Variants in CNNM3 observed in about 807,000 individuals in gnomAD.
The protein encoded by CNNM3 is metal transporter CNNM3.
CNNM3 carries 47 observed loss-of-function variants against 57.1 expected under a neutral mutation model. That is an observed-to-expected ratio of 0.82 (90% CI 0.65 to 1.05). CNNM3 has a LOEUF of 1.05. Among genes scored for constraint, CNNM3 ranks in the 50% least tolerant of loss-of-function variants. CNNM3 has a pLI of 0.00. For missense variants in CNNM3, 957 were observed against 973.7 expected (o/e 0.98, Z 0.23); for synonymous variants, 507 against 478.2 (o/e 1.06, Z -0.79).
At chr2:96,822,977 G>A (rs11886360) in intron 1 of CNNM3, among the ~76,000 whole-genome samples, 12,993 of 152,148 alleles carry the variant, frequency 0.085, 1,846 homozygotes, top group African/African-American at 0.3. Context: ...CTGGCCTGTG[G>A]GCAGGCATCA....
intron 7 of CNNM3, 122 bp from the exon 8 acceptor site, chr2:96,832,430 C>T: frequency 6.4e-7 from 1 of 1,552,128 alleles, no homozygotes. Context: ...TGATACTTCC[C>T]AAGGCATCCC....
chr2:96,833,231 C>T lies in CNNM3; in HGVS notation c.*615C>T. On this transcript the variant is annotated 3_prime_UTR_variant, in exon 8 of 8. Transcript: ENST00000305510. ...CCCGTAGGCTGTCCCTGTAGCCCTGCTCCCTCCCTGGAGGCTGCTCTTCTG... is the reference window on the plus strand; with the variant it reads ...CCCGTAGGCTGTCCCTGTAGCCCTGTTCCCTCCCTGGAGGCTGCTCTTCTG... 8.5e-6 allele frequency: 3 copies of T among 354,456 alleles called. No homozygotes were observed. The highest frequency in any genetic ancestry group is 1.7e-5 in the Non-Finnish European group (3 of 180,156). 22.0% of individuals were successfully genotyped at this position (354,456 alleles called of 1,614,324 possible).
At chr2:96,820,753 A>T (rs1166194298) in intron 1 of CNNM3, among the ~76,000 whole-genome samples, 1 of 152,228 alleles carries the variant, frequency 6.6e-6, no homozygotes, top group Non-Finnish European at 1.5e-5. Flanking sequence ...CAATGTAGAC[A>T]GCCCTCCACA....
chr2:96,828,319 A>G, intron 5 of CNNM3, 124 bp downstream of exon 5: 1 of 891,816 alleles, frequency 1.1e-6, no homozygotes, highest in African/African-American at 1.7e-5. Context: ...CCACCCCACA[A>G]GGTGGTGTAG....
intron 7 of CNNM3, chr2:96,832,209 G>C: frequency 9.5e-7 from 1 of 1,058,178 alleles, no homozygotes; most frequent in Non-Finnish European, 1.1e-6. Context: ...CATCCTTCTG[G>C]AAGACAGGAG....
chr2:96,816,451 G>A lies in CNNM3; in HGVS notation c.174G>A (p.Pro58=), dbSNP rs1317426400. The change falls in exon 1 of 8, where the codon CCG becomes CCA. Residue 58 remains proline, a synonymous_variant. Coordinates refer to ENST00000305510, the MANE Select transcript of CNNM3 (RefSeq NM_017623.5). The part of the protein sequence containing the change: ...WVRGGAARDT[P]DATFLLRLFG... ...GCGGAGGGGCGGCGCGGGACACGCC[G>A]GACGCCACCTTCCTCCTGCGCCTCT... is the stretch of plus-strand genomic sequence containing the variant. The A allele has an allele frequency of 6.9e-7, 1 of 1,439,650 alleles. No individual in the cohort carries two copies. The highest frequency in any genetic ancestry group is 9.1e-7 in the Non-Finnish European group (1 of 1,095,888). 89.2% of individuals were successfully genotyped at this position (1,439,650 alleles called of 1,614,324 possible).
chr2:96,831,846 A>G (rs934694463), intron 7 of CNNM3: 4 of 346,728 alleles, frequency 1.2e-5, no homozygotes, highest in Non-Finnish European at 1.6e-5. Flanking sequence ...TGCAGCTGCC[A>G]GCTCTCCCTC....
Position 96,834,963 on chromosome 2 carries a change from T to C in CNNM3, c.*2347T>C, listed in dbSNP as rs180876360. Among the ~76,000 whole-genome samples the C allele has an allele frequency of 1.4e-4, 21 of 152,322 alleles. No homozygotes were observed. The highest frequency in any genetic ancestry group is 4.8e-4 in the African/African-American group (20 of 41,564). The stretch of plus-strand genomic sequence containing the variant: ...TCCATGGTTACATCTTATATGGTTG[T>C]AATGCAGTATTCCAACAAAGACTCT... On this transcript the variant is annotated 3_prime_UTR_variant, in exon 8 of 8. Coordinates refer to ENST00000305510, the MANE Select transcript of CNNM3 (RefSeq NM_017623.5).
rs780674980 is a variant in CNNM3, at chr2:96,828,632, G to A, written c.1852G>A (p.Gly618Ser). The change falls in exon 6 of 8, where the codon GGC (glycine) becomes AGC (serine). Residue 618 changes from glycine (G) to serine (S), a missense_variant. Physicochemically the swap from Gly to Ser is moderately conservative, Grantham distance 56. This residue lies in a region of CNNM3 where 491 missense variants were observed against 570.6 expected (regional missense o/e 0.86). Transcript: ENST00000305510. The part of the protein sequence containing the change: ...RHDLQPDPGD[G>S]THSSAYCPDY... Reference sequence around the variant, plus strand: ...TGACCTGCAGCCCGACCCAGGTGACGGCACGCATTCATCTGCGTATTGTCC... The same window carrying A: ...TGACCTGCAGCCCGACCCAGGTGACAGCACGCATTCATCTGCGTATTGTCC... 5.6e-6 allele frequency: 9 copies of A among 1,614,024 alleles called. No individual in the cohort carries two copies. The highest frequency in any genetic ancestry group is 2.2e-5 in the South Asian group (2 of 91,090).
At chr2:96,825,823 C>T (rs765934199) in intron 2 of CNNM3, among the ~76,000 whole-genome samples, 12 of 143,388 alleles carry the variant, frequency 8.4e-5, no homozygotes, top group Non-Finnish European at 1.6e-4. Flanking sequence ...ATCGCTTGAA[C>T]CTAGGAGGCA....
chr2:96,817,471 G>A lies in CNNM3; in HGVS notation c.1194G>A (p.Lys398=). ...TCCACTTCGTCTTCAACGACACCAA[G>A]CTGGACGCTGTCCTGGAGGAATTCA... ...HPLHFVFNDT[K]LDAVLEEFKR... The change falls in exon 1 of 8, where the codon AAG becomes AAA. Residue 398 remains lysine, a synonymous_variant. Transcript: ENST00000305510. The A allele has an allele frequency of 1.2e-6, 2 of 1,613,856 alleles. No homozygotes were observed. The highest frequency in any genetic ancestry group is 1.7e-6 in the Non-Finnish European group (2 of 1,179,852).
rs1364763006 is a variant in CNNM3 at position 96,828,579 on chromosome 2, C to T, written c.1799C>T (p.Pro600Leu). The T allele has an allele frequency of 3.7e-6, 6 of 1,614,068 alleles. No individual in the cohort carries two copies. The highest frequency in any genetic ancestry group is 1.7e-5 in the Admixed American group (1 of 60,000). ...LTVPSSVHQS[P>L]VSSLQPIRHD... ...GTTCCTTTGATAGTTCACCAGTCCC[C>T]GGTGTCCTCGCTCCAGCCCATCCGC... is the stretch of plus-strand genomic sequence containing the variant. Residue 600 changes from proline to leucine, a missense_variant, in exon 6 of 8, where the codon CCG becomes CTG. This residue lies in a region of CNNM3 where 491 missense variants were observed against 570.6 expected (regional missense o/e 0.86). Coordinates refer to ENST00000305510, the MANE Select transcript of CNNM3 (RefSeq NM_017623.5).
At position 96,827,725 on chromosome 2, in the gene CNNM3, G is replaced by C. The variant is rs1268730904; in HGVS notation, c.1520-6G>C. The C allele has an allele frequency of 2.5e-6, 4 of 1,609,012 alleles. No individual in the cohort carries two copies. The highest frequency in any genetic ancestry group is 2.7e-5 in the African/African-American group (2 of 74,606). ...GGACACTGTCCCTTTTTTCCACCAC[G>C]TGCAGAAGTGGATGTATTCAGCCCG... On this transcript the variant is annotated splice_polypyrimidine_tract_variant and splice_region_variant and intron_variant, in intron 3 of 7. Coordinates refer to ENST00000305510, the MANE Select transcript of CNNM3 (RefSeq NM_017623.5).
chr2:96,817,410 C>CGT lies in CNNM3; in HGVS notation c.1134_1135insTG (p.Leu379CysfsTer42). The CGT allele has an allele frequency of 6.2e-7, 1 of 1,614,160 alleles. No homozygotes were observed. Among genetic ancestry groups the CGT allele is most frequent in the Non-Finnish European group, 8.5e-7 (1 of 1,180,036 alleles). On this transcript the variant is annotated frameshift_variant, in exon 1 of 8. Coordinates refer to ENST00000305510, the MANE Select transcript of CNNM3 (RefSeq NM_017623.5). LOFTEE classifies it high-confidence loss of function. Reference sequence around the variant, plus strand: ...TTCGTGGATCCCGAAGACTGCACGCCGCTCAGCACCATCACTCGTTTCTAC... The same window carrying CGT: ...TTCGTGGATCCCGAAGACTGCACGCCGTGCTCAGCACCATCACTCGTTTCTAC...
At chr2:96,824,205 C>CT (rs2079455810) in intron 1 of CNNM3, among the ~76,000 whole-genome samples, 1 of 152,192 alleles carries the variant, frequency 6.6e-6, no homozygotes, top group Non-Finnish European at 1.5e-5. Flanking sequence ...CCCCAGCACT[C>CT]TGAGACTTGG....
chr2:96,827,070 C>G lies in CNNM3; in HGVS notation c.1519+88C>G, dbSNP rs1447096943. The G allele has an allele frequency of 2.1e-6, 3 of 1,460,438 alleles. No individual in the cohort carries two copies. In the African/African-American group the frequency reaches 4.2e-5, roughly 21 times the overall value. 90.5% of individuals were successfully genotyped at this position (1,460,438 alleles called of 1,614,324 possible). A position where few individuals can be genotyped will look rare whatever the true frequency, so the allele number is the denominator to read the frequency against. On this transcript the variant is annotated intron_variant, in intron 3 of 7. Coordinates refer to ENST00000305510, the MANE Select transcript of CNNM3 (RefSeq NM_017623.5). ...CCCAGGGCCGACACTGACTCTGCTC[C>G]CCACTCCTAGCAGGCGGGTGCGTCT...
downstream of CNNM3, chr2:96,836,658 G>A (rs1393936531): frequency 6.6e-6 from 1 of 152,178 alleles, no homozygotes. Context: ...ACAATTACAG[G>A]TGTGAGCCAC....
chr2:96,825,242 G>C, intron 2 of CNNM3, 41 bp downstream of exon 2: 1 of 1,607,150 alleles, frequency 6.2e-7, no homozygotes. Context: ...CGCTGGGCCT[G>C]CACACTTCCC....
intron 2 of CNNM3, 107 bp downstream of exon 2, chr2:96,825,308 G>A (rs2079481968): frequency 7.3e-6 from 10 of 1,371,404 alleles, no homozygotes; most frequent in Admixed American, 2.3e-5. Context: ...AACCCAGCAA[G>A]ATCCACAGCC....
Sources: allele counts gnomAD v4.1 joint callset (sites outside exome capture counted in the v4.1 genomes callset), GRCh38; gene constraint gnomAD v4.1.1; regional missense constraint gnomAD v4.1.1; transcripts MANE v1.5; gene names NCBI Gene and HGNC (gene_info 2026-07-23, HGNC 2026-07-21).